ELMO1: variants seen among roughly 807,000 people sequenced by gnomAD.
ELMO1 encodes engulfment and cell motility protein 1.
ELMO1 carries 26 observed loss-of-function variants against 98.9 expected under a neutral mutation model. The ratio of observed to expected loss-of-function variants is 0.26; its 90% CI spans 0.19 to 0.36. The LOEUF (loss-of-function observed/expected upper bound fraction) is 0.36. Among genes scored for constraint, ELMO1 ranks in the 10% least tolerant of loss-of-function variants. The pLI, the probability that ELMO1 is intolerant of heterozygous loss-of-function variation, is 1.00. For missense variants in ELMO1, 627 were observed against 935.2 expected (o/e 0.67, Z 4.30); for synonymous variants, 346 against 346.0 (o/e 1.00, Z 0.00).
At chr7:37,018,746 C>T (rs7792809) in intron 15 of ELMO1, among the ~76,000 whole-genome samples, 43,279 of 152,098 alleles carry the variant, frequency 0.28, 8,258 homozygotes, top group African/African-American at 0.55. Flanking sequence ...CAAAGTGCTG[C>T]GATTACAGGC....
intron 7 of ELMO1, among the ~76,000 whole-genome samples, chr7:37,235,762 G>A (rs1366177717): frequency 4.6e-5 from 7 of 152,098 alleles, no homozygotes; most frequent in Admixed American, 6.5e-5. Context: ...GTGAAACCCC[G>A]TCTCTCCTAA....
intron 16 of ELMO1, among the ~76,000 whole-genome samples, chr7:37,002,769 T>C (rs1343407399): frequency 6.6e-6 from 1 of 152,166 alleles, no homozygotes; most frequent in East Asian, 1.9e-4. Context: ...ATGATGGTGG[T>C]GAGATAGTAA....
intron 18 of ELMO1, among the ~76,000 whole-genome samples, chr7:36,878,386 G>T (rs924581301): frequency 4.6e-5 from 7 of 152,092 alleles, no homozygotes; most frequent in Admixed American, 3.3e-4. Flanking sequence ...TTATGAGGTG[G>T]TGGCTTCCAG....
At chr7:37,348,123 G>A (rs1801097677) in intron 1 of ELMO1, among the ~76,000 whole-genome samples, 1 of 152,134 alleles carries the variant, frequency 6.6e-6, no homozygotes, top group East Asian at 1.9e-4. Context: ...TTGTATGAAT[G>A]CATCCCCTCC....
chr7:37,163,401 G>C (rs528386651), intron 13 of ELMO1, among the ~76,000 whole-genome samples: 136 of 151,272 alleles, frequency 9.0e-4, no homozygotes, highest in Non-Finnish European at 1.0e-3. Flanking sequence ...GTGCAGGTTA[G>C]TTACATATGT....
intron 1 of ELMO1, chr7:37,375,907 CAT>C: frequency 1.5e-6 from 1 of 662,782 alleles, no homozygotes; most frequent in South Asian, 1.6e-5. Context: ...TACGTGCAGA[CAT>C]AGTGCTGCTG....
chr7:37,172,784 T>C (rs939932326), intron 13 of ELMO1, among the ~76,000 whole-genome samples: 3 of 152,172 alleles, frequency 2.0e-5, no homozygotes, highest in Admixed American at 6.5e-5. Flanking sequence ...CCTTACAACA[T>C]TGAAGCTAAA....
chr7:36,915,230 G>A (rs1172382944), intron 16 of ELMO1, among the ~76,000 whole-genome samples: 4 of 152,292 alleles, frequency 2.6e-5, no homozygotes, highest in East Asian at 3.9e-4. Flanking sequence ...TGTGCCTGGT[G>A]CTAACAAAGT....
At chr7:36,915,922 C>T (rs571487764) in intron 16 of ELMO1, among the ~76,000 whole-genome samples, 36 of 152,230 alleles carry the variant, frequency 2.4e-4, no homozygotes, top group African/African-American at 7.5e-4. Flanking sequence ...AGGTTCTGGG[C>T]GGCTAACTGA....
intron 18 of ELMO1, 116 bp from the exon 19 acceptor site, chr7:36,878,233 T>A (rs573501275): frequency 1.6e-5 from 12 of 762,010 alleles, no homozygotes; most frequent in Non-Finnish European, 2.1e-5. Context: ...TGATTTTAAG[T>A]CTTGAGGAAG....
chr7:37,174,443 C>T (rs570321267), intron 13 of ELMO1, among the ~76,000 whole-genome samples: 4 of 152,240 alleles, frequency 2.6e-5, no homozygotes, highest in Non-Finnish European at 4.4e-5. Flanking sequence ...TCTAAACAGC[C>T]GACGCAGGCA....
At chr7:37,276,258 A>G (rs1796826475) in intron 4 of ELMO1, among the ~76,000 whole-genome samples, 1 of 152,134 alleles carries the variant, frequency 6.6e-6, no homozygotes, top group Non-Finnish European at 1.5e-5. Context: ...CTAAAAAGAA[A>G]TGAGATAGGA....
intron 13 of ELMO1, among the ~76,000 whole-genome samples, chr7:37,185,465 C>T (rs1293448402): frequency 6.6e-6 from 1 of 152,114 alleles, no homozygotes; most frequent in Non-Finnish European, 1.5e-5. Context: ...AAACAAAGGT[C>T]CACTTTCTGG....
chr7:37,175,392 G>A (rs190735856), intron 13 of ELMO1, among the ~76,000 whole-genome samples: 286 of 152,288 alleles, frequency 1.9e-3, no homozygotes, highest in African/African-American at 6.5e-3. Flanking sequence ...ATCACAGAAA[G>A]TATTGTCAGG....
At chr7:37,021,812 GTAA>G (rs1432112762) in intron 15 of ELMO1, among the ~76,000 whole-genome samples, 1 of 152,062 alleles carries the variant, frequency 6.6e-6, no homozygotes, top group Non-Finnish European at 1.5e-5. Context: ...TAATAACAAA[GTAA>G]TTATTATTGT....
At chr7:37,183,780 G>A (rs1259313417) in intron 13 of ELMO1, among the ~76,000 whole-genome samples, 1 of 151,898 alleles carries the variant, frequency 6.6e-6, no homozygotes, top group Non-Finnish European at 1.5e-5. Context: ...GGATAGAATT[G>A]TCCTATCTGC....
chr7:37,244,344 A>G lies in ELMO1; in HGVS notation c.449+12T>C, dbSNP rs761831551. The stretch of plus-strand genomic sequence containing the variant: ...GTTAAATCATCAATATCAATCGATC[A>G]AATATTCTTACCAAGGCTTCATGAT... On this transcript the variant is annotated intron_variant, in intron 7 of 21. Coordinates refer to ENST00000310758, the MANE Select transcript of ELMO1 (RefSeq NM_014800.11). 1 of 1,612,206 alleles carries G rather than the reference A, an allele frequency of 6.2e-7. No homozygotes were observed.
chr7:37,254,926 C>A (rs1201382591), intron 6 of ELMO1, among the ~76,000 whole-genome samples: 2 of 152,178 alleles, frequency 1.3e-5, no homozygotes, highest in African/African-American at 4.8e-5. Flanking sequence ...GTCCCCCATC[C>A]TGGGTCTGAG....
chr7:37,176,219 T>TA (rs1382038824), intron 13 of ELMO1, among the ~76,000 whole-genome samples: 1 of 152,238 alleles, frequency 6.6e-6, no homozygotes, highest in Non-Finnish European at 1.5e-5. Context: ...CATCGACTGT[T>TA]ATACTTTCAC....
Sources: gnomAD v4.1 joint callset for allele counts (sites outside exome capture counted in the v4.1 genomes callset) on GRCh38, gnomAD v4.1.1 for gene constraint, MANE v1.5 for transcripts, NCBI Gene and HGNC (gene_info 2026-07-23, HGNC 2026-07-21) for gene names.